The following TENM3 variants were observed in gnomAD, a reference collection of about 807,000 sequenced individuals.
TENM3 encodes the protein teneurin transmembrane protein 3.
Under a neutral mutation model 255.1 loss-of-function variants are expected in TENM3, and 63 were observed. The ratio of observed to expected loss-of-function variants is 0.25; its 90% CI spans 0.20 to 0.30. TENM3 has a LOEUF of 0.30. TENM3 is among the 10% of genes least tolerant of loss of function. TENM3 has a pLI of 1.00. For synonymous variants in TENM3, 1,306 were observed against 1,322.3 expected, an observed-to-expected ratio of 0.99 and a Z score of 0.27; for missense variants, 2,929 against 3,461.1, an observed-to-expected ratio of 0.85 and a Z score of 3.86.
At chr4:182,198,732 C>T (rs1753987099) in intron 1 of TENM3, among the ~76,000 whole-genome samples, 1 of 152,098 alleles carries the variant, frequency 6.6e-6, no homozygotes, top group South Asian at 2.1e-4. Context: ...CTGGCTCAGG[C>T]CTGGGCTGCA....
the TENM3 span, among the ~76,000 whole-genome samples, chr4:181,553,582 C>T: frequency 5.3e-5 from 8 of 151,830 alleles, no homozygotes; most frequent in South Asian, 2.1e-4. Context: ...GCTGGGACTA[C>T]GGGTGCCTGC....
At chr4:182,234,858 G>A (rs1756800916) in intron 1 of TENM3, among the ~76,000 whole-genome samples, 1 of 152,178 alleles carries the variant, frequency 6.6e-6, no homozygotes, top group Non-Finnish European at 1.5e-5. Context: ...TATACCGAAT[G>A]TTATGGAAAC....
intron 3 of TENM3, among the ~76,000 whole-genome samples, chr4:182,383,385 A>G (rs1767698230): frequency 1.3e-5 from 2 of 152,150 alleles, no homozygotes; most frequent in Admixed American, 6.5e-5. Context: ...CAAACAGAGC[A>G]CTTGGAGGGG....
chr4:182,771,319 G>A (rs2152792133), intron 22 of TENM3, among the ~76,000 whole-genome samples: 1 of 152,252 alleles, frequency 6.6e-6, no homozygotes, highest in East Asian at 1.9e-4. Flanking sequence ...GCTTGCAGGT[G>A]GTACAATCTA....
the TENM3 span, among the ~76,000 whole-genome samples, chr4:181,851,537 C>A: frequency 6.6e-6 from 1 of 152,162 alleles, no homozygotes; most frequent in Non-Finnish European, 1.5e-5. Flanking sequence ...TCCTGGTATT[C>A]CAACAAGCAC....
At chr4:182,338,363 G>A (rs539471076) in intron 2 of TENM3, among the ~76,000 whole-genome samples, 11 of 152,114 alleles carry the variant, frequency 7.2e-5, no homozygotes, top group Non-Finnish European at 1.5e-4. Context: ...ACATATCCAG[G>A]ACTGCACTGA....
At chr4:182,239,031 T>TTG (rs199507110), upstream of TENM3, among the ~76,000 whole-genome samples, 2,484 of 110,434 alleles carry the variant, frequency 0.022, 31 homozygotes, top group Admixed American at 0.034. Context: ...TTAAAAATCT[T>TTG]TATGTGTGTG....
chr4:182,051,740 T>A, the TENM3 span, among the ~76,000 whole-genome samples: 3 of 152,176 alleles, frequency 2.0e-5, no homozygotes, highest in African/African-American at 7.2e-5. Flanking sequence ...AATGTGGTAT[T>A]GTCTGGGCAT....
intron 18 of TENM3, among the ~76,000 whole-genome samples, chr4:182,741,414 T>C (rs1761597436): frequency 1.3e-5 from 2 of 152,208 alleles, no homozygotes; most frequent in Non-Finnish European, 2.9e-5. Flanking sequence ...CTGACAGTTA[T>C]TCGTGCGGGC....
At chr4:182,120,908 A>G in the TENM3 span, among the ~76,000 whole-genome samples, 5,616 of 152,286 alleles carry the variant, frequency 0.037, 137 homozygotes, top group South Asian at 0.066. Flanking sequence ...AAGATATTAT[A>G]GGACCATGGC....
intron 1 of TENM3, among the ~76,000 whole-genome samples, chr4:182,179,032 A>G (rs1690582547): frequency 6.6e-6 from 1 of 152,360 alleles, no homozygotes; most frequent in South Asian, 2.1e-4. Context: ...TGCTGACTGA[A>G]GAACAGTATA....
At chr4:181,553,555 C>A in the TENM3 span, among the ~76,000 whole-genome samples, 2 of 151,842 alleles carry the variant, frequency 1.3e-5, no homozygotes, top group South Asian at 4.2e-4. Context: ...CATTCTCCTG[C>A]CTCAGCCTCC....
At chr4:182,040,947 A>G in the TENM3 span, among the ~76,000 whole-genome samples, 13 of 152,212 alleles carry the variant, frequency 8.5e-5, no homozygotes. Context: ...CTGAATTGCT[A>G]AAATGAGAAA....
intron 3 of TENM3, among the ~76,000 whole-genome samples, chr4:182,401,958 C>T (rs1238145088): frequency 6.6e-6 from 1 of 152,154 alleles, no homozygotes; most frequent in Non-Finnish European, 1.5e-5. Context: ...AGCTTTTGAC[C>T]AGCCTACTTC....
intron 18 of TENM3, among the ~76,000 whole-genome samples, chr4:182,739,362 G>A (rs1761426405): frequency 6.6e-6 from 1 of 152,120 alleles, no homozygotes; most frequent in Non-Finnish European, 1.5e-5. Flanking sequence ...TTGCCCACAT[G>A]CTAGCTGCAT....
chr4:181,803,318 C>T, the TENM3 span, among the ~76,000 whole-genome samples: 2 of 152,188 alleles, frequency 1.3e-5, no homozygotes, highest in Non-Finnish European at 2.9e-5. Context: ...TCTGTTCCTT[C>T]CTCACATACA....
the TENM3 span, among the ~76,000 whole-genome samples, chr4:181,994,081 A>G: frequency 3.3e-5 from 5 of 152,144 alleles, no homozygotes; most frequent in Admixed American, 1.3e-4. Flanking sequence ...AATGTTCACT[A>G]TATTTGTGAA....
rs547459265 is a variant in TENM3, at chr4:182,754,131, G to A, written c.4018-254G>A. Among the ~76,000 whole-genome samples the A allele has an allele frequency of 3.0e-4, 46 of 152,318 alleles. No individual in the cohort carries two copies. The highest frequency in any genetic ancestry group is 5.4e-4 in the Non-Finnish European group (37 of 68,030). ...TCATCGATATCTGTTGACTCACTAC[G>A]TAGAGGCCTATTTGCTATTTGCCTG... On this transcript the variant is annotated intron_variant, in intron 21 of 27. Coordinates refer to ENST00000511685, the MANE Select transcript of TENM3 (RefSeq NM_001080477.4). This position sits in a 1 kb window ranked among gnomAD's most constrained non-coding sequence, Gnocchi z 5.1.
the TENM3 span, among the ~76,000 whole-genome samples, chr4:182,033,956 C>A: frequency 6.6e-6 from 1 of 151,976 alleles, no homozygotes; most frequent in Non-Finnish European, 1.5e-5. Flanking sequence ...ATGTATTAGT[C>A]TGTTCTCACA....
Sources: gnomAD v4.1 joint callset for allele counts (sites outside exome capture counted in the v4.1 genomes callset) on GRCh38, gnomAD v4.1.1 for gene constraint, Gnocchi (gnomAD v3.1) non-coding constraint, MANE v1.5 for transcripts, NCBI Gene and HGNC (gene_info 2026-07-23, HGNC 2026-07-21) for gene names.